Variants in ITGB6 observed in about 807,000 individuals in gnomAD.
ITGB6 encodes integrin beta-6.
A neutral mutation model predicts 84.5 loss-of-function variants in ITGB6; 80 were observed. The ratio of observed to expected loss-of-function variants is 0.95; its 90% CI spans 0.79 to 1.14. The LOEUF (loss-of-function observed/expected upper bound fraction) is 1.14, where lower values mean the gene tolerates loss of function less well. ITGB6 is among the 50% of genes most tolerant of loss of function. ITGB6 has a pLI of 0.00. For missense variants in ITGB6, 1,006 were observed against 968.0 expected (o/e 1.04, Z -0.52); for synonymous variants, 383 against 354.9 (o/e 1.08, Z -0.89).
chr2:160,127,250 A>C (rs1373806582), intron 10 of ITGB6, among the ~76,000 whole-genome samples: 1 of 152,172 alleles, frequency 6.6e-6, no homozygotes, highest in Non-Finnish European at 1.5e-5. Context: ...AGAGAGCATT[A>C]ACTAAGAATC....
In ITGB6 at chr2:160,107,661, C is replaced by T. The variant is rs1393248131; in HGVS notation, c.2268+18G>A. On this transcript the variant is annotated intron_variant, in intron 14 of 14. Transcript: ENST00000283249. ...TCTTTCTCCCCTAGACAAGGAGTAG[C>T]CCTAAGTTTCCACATACCGTTTGCC... 1.9e-6 allele frequency: 3 copies of T among 1,612,842 alleles called. No homozygotes were observed. Among genetic ancestry groups the T allele is most frequent in the Non-Finnish European group, 2.5e-6 (3 of 1,178,950 alleles).
chr2:160,181,173 G>A (rs1048340279), intron 4 of ITGB6, among the ~76,000 whole-genome samples: 1 of 152,160 alleles, frequency 6.6e-6, no homozygotes, highest in African/African-American at 2.4e-5. Flanking sequence ...GCTGAAGCCA[G>A]GGAGCCAAGT....
intron 12 of ITGB6, among the ~76,000 whole-genome samples, chr2:160,119,848 T>C (rs1168482359): frequency 6.6e-6 from 1 of 152,116 alleles, no homozygotes; most frequent in Non-Finnish European, 1.5e-5. Context: ...CATCAAAAAG[T>C]GGGCCAAGGA....
At chr2:160,185,183 T>A (rs915336746) in intron 4 of ITGB6, among the ~76,000 whole-genome samples, 5 of 152,172 alleles carry the variant, frequency 3.3e-5, no homozygotes, top group Admixed American at 6.5e-5. Context: ...AGAGAGCAAG[T>A]CAAATTGTCT....
chr2:160,165,206 A>ATC (rs902475732), intron 7 of ITGB6, among the ~76,000 whole-genome samples: 48 of 152,228 alleles, frequency 3.2e-4, no homozygotes, highest in African/African-American at 1.0e-3. Context: ...GATAAAGAAT[A>ATC]TCTAGACTAT....
chr2:160,113,852 C>T (rs867368666), intron 12 of ITGB6, among the ~76,000 whole-genome samples: 53 of 152,122 alleles, frequency 3.5e-4, no homozygotes, highest in African/African-American at 1.2e-3. Flanking sequence ...ACCACATCTC[C>T]TGTTCACTTG....
chr2:160,126,753 T>C, intron 10 of ITGB6, 152 bp from the exon 11 acceptor site: 2 of 658,506 alleles, frequency 3.0e-6, no homozygotes, highest in Non-Finnish European at 5.2e-6. Context: ...GGGTGCAGTA[T>C]GAGTGTAGAT....
Position 160,138,044 on chromosome 2 carries a change from A to G in ITGB6, c.1242+21T>C, listed in dbSNP as rs368193770. The G allele has an allele frequency of 1.5e-4, 247 of 1,602,834 alleles. 1 individual carries two copies. The African/African-American group carries it at 2.5e-3, about 16-fold the overall frequency. ...ACCCATCCAGGTATTTATTCAGACT[A>G]TCTACTGGCCAGCTACTTACTGTGT... On this transcript the variant is annotated intron_variant, in intron 9 of 14. Transcript: ENST00000283249.
At chr2:160,123,940 T>G in intron 11 of ITGB6, 52 bp from the exon 12 acceptor site, 2 of 1,339,776 alleles carry the variant, frequency 1.5e-6, no homozygotes, top group Non-Finnish European at 2.1e-6. Context: ...AAAATAGATT[T>G]GCAGCTTGAA....
chr2:160,135,737 A>G (rs1683686230), intron 10 of ITGB6, among the ~76,000 whole-genome samples: 1 of 152,078 alleles, frequency 6.6e-6, no homozygotes, highest in Non-Finnish European at 1.5e-5. Context: ...CAGAGCCCTC[A>G]GAAATAATGC....
intron 10 of ITGB6, among the ~76,000 whole-genome samples, chr2:160,136,017 C>G (rs1041603592): frequency 6.6e-6 from 1 of 152,170 alleles, no homozygotes; most frequent in African/African-American, 2.4e-5. Context: ...GTCTAAAACA[C>G]CAAAAGCAAT....
Position 160,195,716 on chromosome 2 carries a change from A to G in ITGB6, c.347-101T>C, listed in dbSNP as rs980535259. 6.3e-6 allele frequency: 8 copies of G among 1,259,974 alleles called. No homozygotes were observed. The African/African-American group carries it at 1.2e-4, about 19-fold the overall frequency. 78.0% of individuals were successfully genotyped at this position (1,259,974 alleles called of 1,614,324 possible). A position where few individuals can be genotyped will look rare whatever the true frequency, so the allele number is the denominator to read the frequency against. On this transcript the variant is annotated intron_variant, in intron 3 of 14. Coordinates refer to ENST00000283249, the MANE Select transcript of ITGB6 (RefSeq NM_000888.5). Reference sequence around the variant, plus strand: ...AGCTGGCTATTTCACCTCAATAAGAACTTACTGAAATACATATGATTTTAT... The same window carrying G: ...AGCTGGCTATTTCACCTCAATAAGAGCTTACTGAAATACATATGATTTTAT...
At position 160,101,681 on chromosome 2, in the gene ITGB6, A is replaced by T; in HGVS notation, c.*55T>A. On this transcript the variant is annotated 3_prime_UTR_variant, in exon 15 of 15. Coordinates refer to ENST00000283249, the MANE Select transcript of ITGB6 (RefSeq NM_000888.5). The stretch of plus-strand genomic sequence containing the variant: ...AGCAACAAAGAGAAAAAAATTAAAT[A>T]GTGCATTAACATTTCATATCAGTGA... 1 of 961,438 alleles carries T rather than the reference A, an allele frequency of 1.0e-6. No homozygotes were observed. The highest frequency in any genetic ancestry group is 1.7e-6 in the Non-Finnish European group (1 of 595,554). 59.6% of individuals were successfully genotyped at this position (961,438 alleles called of 1,614,324 possible).
At chr2:160,118,237 T>C (rs1682871513) in intron 12 of ITGB6, among the ~76,000 whole-genome samples, 1 of 152,178 alleles carries the variant, frequency 6.6e-6, no homozygotes, top group Non-Finnish European at 1.5e-5. Flanking sequence ...ACAAATATCC[T>C]TGACGAACAT....
At chr2:160,173,081 A>G (rs16844848) in intron 5 of ITGB6, among the ~76,000 whole-genome samples, 23,026 of 152,120 alleles carry the variant, frequency 0.15, 2,300 homozygotes, top group East Asian at 0.32. Context: ...ATGGTCCCAA[A>G]TCCAAATTGA....
chr2:160,129,973 T>C (rs1371858243), intron 10 of ITGB6, among the ~76,000 whole-genome samples: 2 of 152,212 alleles, frequency 1.3e-5, no homozygotes, highest in Non-Finnish European at 2.9e-5. Flanking sequence ...CAGTCATGTG[T>C]CTTTTAACAA....
chr2:160,181,142 G>A (rs764790019), intron 4 of ITGB6, among the ~76,000 whole-genome samples: 1 of 152,004 alleles, frequency 6.6e-6, no homozygotes, highest in Non-Finnish European at 1.5e-5. Flanking sequence ...AGACAGAACC[G>A]TTCACTCCCC....
At chr2:160,121,468 C>T (rs188301171) in intron 12 of ITGB6, among the ~76,000 whole-genome samples, 3 of 152,216 alleles carry the variant, frequency 2.0e-5, no homozygotes, top group Non-Finnish European at 4.4e-5. Context: ...TCTCTGAGTA[C>T]ATGTATGTTA....
Position 160,151,678 on chromosome 2 carries a change from A to T in ITGB6, c.1018-9607T>A, listed in dbSNP as rs540398959. 5.3e-5 allele frequency among the ~76,000 whole-genome samples: 8 copies of T among 152,302 alleles called. No individual in the cohort carries two copies. The South Asian group carries it at 1.5e-3, about 28-fold the overall frequency. ...TAGGAGCTGGCTTTTTGAAAAGATC[A>T]ACAAAATTGATAGACCACTAGCAAG... is the stretch of plus-strand genomic sequence containing the variant. On this transcript the variant is annotated intron_variant, in intron 7 of 14. Coordinates refer to ENST00000283249, the MANE Select transcript of ITGB6 (RefSeq NM_000888.5).
Sources: gnomAD v4.1 joint callset for allele counts (sites outside exome capture counted in the v4.1 genomes callset) on GRCh38, gnomAD v4.1.1 for gene constraint, MANE v1.5 for transcripts, NCBI Gene and HGNC (gene_info 2026-07-23, HGNC 2026-07-21) for gene names.